Variants in LRP1B observed in about 807,000 individuals in gnomAD.
LRP1B encodes the protein low-density lipoprotein receptor-related protein 1B.
Under a neutral mutation model 556.6 loss-of-function variants are expected in LRP1B, and 217 were observed. That is an observed-to-expected ratio of 0.39 (90% CI 0.35 to 0.44). The LOEUF (loss-of-function observed/expected upper bound fraction) is 0.44. Among genes scored for constraint, LRP1B ranks in the 20% least tolerant of loss-of-function variants. The probability of loss-of-function intolerance (pLI) is 1.00; values close to 1 mark genes in which losing one functional copy is unlikely to be tolerated. For missense variants in LRP1B, 5,053 were observed against 5,620.8 expected, an observed-to-expected ratio of 0.90 and a Z score of 3.23; for synonymous variants, 2,047 against 1,865.8, an observed-to-expected ratio of 1.10 and a Z score of -2.50.
intron 10 of LRP1B, among the ~76,000 whole-genome samples, chr2:141,053,824 A>G (rs1189990968): frequency 4.8e-5 from 3 of 61,998 alleles, no homozygotes; most frequent in East Asian, 5.4e-4. Context: ...GCATGTGTGT[A>G]TATATGTGTG....
At chr2:140,633,872 A>G (rs1311115228) in intron 41 of LRP1B, among the ~76,000 whole-genome samples, 2 of 152,208 alleles carry the variant, frequency 1.3e-5, no homozygotes, top group East Asian at 3.8e-4. Flanking sequence ...GTCAAACATT[A>G]GAGAACAAAT....
intron 1 of LRP1B, among the ~76,000 whole-genome samples, chr2:141,930,107 C>G (rs552283329): frequency 1.3e-5 from 2 of 151,938 alleles, no homozygotes; most frequent in South Asian, 4.1e-4. Flanking sequence ...TTTCCAGGAA[C>G]CCGTGGCACA....
chr2:141,679,592 C>G (rs1026652458), intron 2 of LRP1B, among the ~76,000 whole-genome samples: 3 of 152,040 alleles, frequency 2.0e-5, no homozygotes, highest in African/African-American at 7.2e-5. Flanking sequence ...GCTACCAATC[C>G]CTCTTCTAAA....
intron 77 of LRP1B, among the ~76,000 whole-genome samples, chr2:140,343,785 G>A (rs913058206): frequency 3.3e-5 from 5 of 151,706 alleles, no homozygotes; most frequent in Admixed American, 6.6e-5. Context: ...CAACAATATG[G>A]ATGAATCTCA....
chr2:141,117,616 G>A (rs1012150186), intron 7 of LRP1B, among the ~76,000 whole-genome samples: 1 of 152,014 alleles, frequency 6.6e-6, no homozygotes, highest in African/African-American at 2.4e-5. Flanking sequence ...GTTAAGGAAT[G>A]TTGAGCTGAT....
At chr2:142,061,034 C>A (rs1229052594) in intron 1 of LRP1B, among the ~76,000 whole-genome samples, 1 of 151,794 alleles carries the variant, frequency 6.6e-6, no homozygotes, top group Non-Finnish European at 1.5e-5. Context: ...GAAAGCAGGG[C>A]TACTATCAAA....
chr2:141,021,840 A>T (rs62173681), intron 11 of LRP1B, among the ~76,000 whole-genome samples: 12,176 of 152,080 alleles, frequency 0.08, 673 homozygotes, highest in Non-Finnish European at 0.12. Flanking sequence ...ATCTCATAGG[A>T]TGATTACAAA....
At chr2:140,320,817 C>T (rs547462485) in intron 82 of LRP1B, among the ~76,000 whole-genome samples, 15 of 152,078 alleles carry the variant, frequency 9.9e-5, no homozygotes, top group Middle Eastern at 3.4e-3. Context: ...CTTAGGCAGG[C>T]GGATCACCTG....
At chr2:141,578,022 T>C (rs1417683015) in intron 2 of LRP1B, among the ~76,000 whole-genome samples, 2 of 152,214 alleles carry the variant, frequency 1.3e-5, no homozygotes, top group East Asian at 1.9e-4. Context: ...TTATTGAGTA[T>C]AGTTACAATT....
chr2:140,320,336 A>G (rs1227174577), intron 82 of LRP1B, among the ~76,000 whole-genome samples: 1 of 152,136 alleles, frequency 6.6e-6, no homozygotes, highest in African/African-American at 2.4e-5. Flanking sequence ...TGAAAGTACT[A>G]CAATAGTTTT....
chr2:140,821,015 T>C (rs1691310603), intron 31 of LRP1B, among the ~76,000 whole-genome samples: 2 of 152,224 alleles, frequency 1.3e-5, no homozygotes, highest in African/African-American at 4.8e-5. Flanking sequence ...CTGCAAAATA[T>C]TAGTTGTTTA....
chr2:140,563,695 G>A (rs1300618084), intron 43 of LRP1B, among the ~76,000 whole-genome samples: 1 of 152,148 alleles, frequency 6.6e-6, no homozygotes, highest in Non-Finnish European at 1.5e-5. Flanking sequence ...TTAATACTAA[G>A]AGTACTGCTT....
chr2:140,624,889 A>G (rs937546076), intron 41 of LRP1B, among the ~76,000 whole-genome samples: 1 of 152,232 alleles, frequency 6.6e-6, no homozygotes, highest in African/African-American at 2.4e-5. Flanking sequence ...CAGAAGGGGC[A>G]AATTGCATAT....
At chr2:141,088,352 T>C (rs1476297901) in intron 7 of LRP1B, among the ~76,000 whole-genome samples, 2 of 152,212 alleles carry the variant, frequency 1.3e-5, no homozygotes, top group African/African-American at 4.8e-5. Context: ...AGTCTCTTTC[T>C]TTATAGAAGC....
At position 141,121,983 on chromosome 2, in the gene LRP1B, C is replaced by G. The variant is rs1222991833; in HGVS notation, c.1014-59710G>C. Among the ~76,000 whole-genome samples, 11 of 152,072 alleles carry G rather than the reference C, an allele frequency of 7.2e-5. No homozygotes were observed. In the East Asian group the frequency reaches 7.8e-4, roughly 11 times the overall value. ...ACCATCTGATCTTTGACAAACCTGACAAAAACAAGAAATGGGGAAAGGATT... is the reference window on the plus strand; with the variant it reads ...ACCATCTGATCTTTGACAAACCTGAGAAAAACAAGAAATGGGGAAAGGATT... On this transcript the variant is annotated intron_variant, in intron 7 of 90. Transcript: ENST00000389484.
intron 41 of LRP1B, among the ~76,000 whole-genome samples, chr2:140,642,736 C>G (rs888993587): frequency 6.6e-6 from 1 of 152,006 alleles, no homozygotes; most frequent in East Asian, 1.9e-4. Flanking sequence ...CCCAGCTACT[C>G]GGGAGGCTGA....
chr2:141,144,728 C>A lies in LRP1B; in HGVS notation c.1013+43693G>T, dbSNP rs1701740884. Reference sequence around the variant, plus strand: ...AATTATTAGAAGCACCGCAAGGCACCATCATTAAAGTCACCATCTGGCATA... The same window carrying A: ...AATTATTAGAAGCACCGCAAGGCACAATCATTAAAGTCACCATCTGGCATA... On this transcript the variant is annotated intron_variant, in intron 7 of 90. Transcript: ENST00000389484. 2.0e-5 allele frequency among the ~76,000 whole-genome samples: 3 copies of A among 152,140 alleles called. No individual in the cohort carries two copies. The South Asian group carries it at 6.2e-4, about 32-fold the overall frequency.
At chr2:141,082,095 A>G (rs999238833) in intron 7 of LRP1B, among the ~76,000 whole-genome samples, 2 of 150,896 alleles carry the variant, frequency 1.3e-5, no homozygotes, top group African/African-American at 2.4e-5. Flanking sequence ...GAAATGAAAA[A>G]GAGAAAGTCT....
At chr2:141,417,948 G>T (rs1679978127) in intron 3 of LRP1B, among the ~76,000 whole-genome samples, 1 of 151,958 alleles carries the variant, frequency 6.6e-6, no homozygotes, top group East Asian at 1.9e-4. Flanking sequence ...ATACATCATT[G>T]TGGTTTTGAT....
Sources: allele counts gnomAD v4.1 joint callset (sites outside exome capture counted in the v4.1 genomes callset), GRCh38; gene constraint gnomAD v4.1.1; transcripts MANE v1.5; gene names NCBI Gene and HGNC (gene_info 2026-07-23, HGNC 2026-07-21).